Variants in IL17RD observed in about 807,000 individuals in gnomAD.
IL17RD encodes the protein interleukin 17 receptor D.
In IL17RD, 52 loss-of-function variants were observed where a neutral mutation model predicts 80.5. That is an observed-to-expected ratio of 0.65 (90% CI 0.52 to 0.81). IL17RD has a LOEUF of 0.81. Among genes scored for constraint, IL17RD ranks in the 40% least tolerant of loss-of-function variants. The pLI is 0.00. For synonymous variants in IL17RD, 416 were observed against 391.8 expected, an observed-to-expected ratio of 1.06 and a Z score of -0.73; for missense variants, 1,024 against 955.1, an observed-to-expected ratio of 1.07 and a Z score of -0.95.
intron 1 of IL17RD, among the ~76,000 whole-genome samples, chr3:57,133,034 C>T (rs929196243): frequency 3.3e-5 from 5 of 152,152 alleles, no homozygotes; most frequent in Admixed American, 2.6e-4. Flanking sequence ...AATGAATAAT[C>T]TATGTCTCTG....
chr3:57,097,338 G>C (rs1449367599), intron 12 of IL17RD: 2 of 519,756 alleles, frequency 3.8e-6, no homozygotes, highest in Non-Finnish European at 7.0e-6. Flanking sequence ...AAGTGATACA[G>C]TGCATAGTCT....
chr3:57,103,120 C>T lies in IL17RD; in HGVS notation c.839G>A (p.Arg280Lys). ...CTTTAAGGCATAATGCATCACTTTT[C>T]TTGTTGTGTTAGTGTCATCCACCAG... ...IELVDDTNTT[R>K]KVMHYALKPV... Residue 280 changes from arginine to lysine, a missense_variant, in exon 9 of 13, where the codon AGA (arginine) becomes AAA (lysine). Physicochemically the swap from Arg to Lys is conservative, Grantham distance 26 (BLOSUM62 2). Coordinates refer to ENST00000296318, the MANE Select transcript of IL17RD (RefSeq NM_017563.5). 6.2e-7 allele frequency: 1 copy of T among 1,603,216 alleles called. No individual in the cohort carries two copies. The highest frequency in any genetic ancestry group is 1.3e-5 in the African/African-American group (1 of 74,918).
rs1455178063 is a variant in IL17RD, at chr3:57,148,028, T to C, written c.126+17133A>G. ...AGAAGTCAAGTTTTCATATAAAAAA[T>C]AAAGAATGTTGGGCACGGTGGCTCA... is the stretch of plus-strand genomic sequence containing the variant. On this transcript the variant is annotated intron_variant, in intron 1 of 12. Coordinates refer to ENST00000296318, the MANE Select transcript of IL17RD (RefSeq NM_017563.5). Among the ~76,000 whole-genome samples the C allele has an allele frequency of 8.0e-5, 10 of 125,558 alleles. 1 individual carries two copies. The highest frequency in any genetic ancestry group is 0.014 in the Middle Eastern group (2 of 138). The allele number at this position is 125,558 out of a possible 152,430, so 82.4% of individuals were successfully genotyped here. A position where few individuals can be genotyped will look rare whatever the true frequency, so the allele number is the denominator to read the frequency against.
At chr3:57,099,199 T>C (rs892589232) in intron 11 of IL17RD, among the ~76,000 whole-genome samples, 5 of 152,196 alleles carry the variant, frequency 3.3e-5, no homozygotes, top group African/African-American at 1.2e-4. Flanking sequence ...AACATGGTCA[T>C]TCTGAGTAAC....
In IL17RD at chr3:57,102,554, C is replaced by A; in HGVS notation, c.904G>T (p.Ala302Ser). 1 of 1,581,718 alleles carries A rather than the reference C, an allele frequency of 6.3e-7. No individual in the cohort carries two copies. Among genetic ancestry groups the A allele is most frequent in the South Asian group, 1.1e-5 (1 of 88,572 alleles). The part of the protein sequence containing the change: ...SPWAGPIRAV[A>S]ITVPLVVISA... ...ATGACTACCAGTGGCACTGTGATGG[C>A]CACGGCTCTGATGGGCCCGGCCCAC... Residue 302 changes from alanine (A) to serine (S), a missense_variant, in exon 10 of 13, where the codon GCC (alanine) becomes TCC (serine). Ala to Ser is a moderately conservative substitution (Grantham distance 99, BLOSUM62 1). Coordinates refer to ENST00000296318, the MANE Select transcript of IL17RD (RefSeq NM_017563.5).
intron 1 of IL17RD, among the ~76,000 whole-genome samples, chr3:57,157,036 C>T (rs983268832): frequency 6.6e-6 from 1 of 152,062 alleles, no homozygotes; most frequent in Admixed American, 6.5e-5. Flanking sequence ...ATGATGGGGT[C>T]GGCCAGGCTT....
chr3:57,137,991 T>G (rs528488986), intron 1 of IL17RD, among the ~76,000 whole-genome samples: 2 of 152,316 alleles, frequency 1.3e-5, no homozygotes, highest in South Asian at 4.1e-4. Context: ...AAATTTGACA[T>G]TGGCACAAAA....
chr3:57,149,146 A>G (rs1407690276), intron 1 of IL17RD, among the ~76,000 whole-genome samples: 1 of 152,090 alleles, frequency 6.6e-6, no homozygotes, highest in Admixed American at 6.5e-5. Context: ...AAATACAAAA[A>G]TTAGCTGGGT....
Position 57,091,779 on chromosome 3 carries a change from G to A in IL17RD, c.*4614C>T, listed in dbSNP as rs545649392. ...AAGAACTATCTGATCAGCAGGGTAG[G>A]TTACAGAATCTCCTTCTTATAAAAT... On this transcript the variant is annotated 3_prime_UTR_variant, in exon 13 of 13. Transcript: ENST00000296318. The A allele has an allele frequency of 6.6e-6, 1 of 152,162 alleles. No homozygotes were observed. The highest frequency in any genetic ancestry group is 6.5e-5 in the Admixed American group (1 of 15,280). 9.4% of individuals were successfully genotyped at this position (152,162 alleles called of 1,614,324 possible).
chr3:57,103,202 TGGAA>T (rs1706877528), intron 8 of IL17RD, 57 bp from the exon 9 acceptor site: 6 of 1,397,482 alleles, frequency 4.3e-6, no homozygotes, highest in African/African-American at 1.4e-5. Context: ...ACCAGGTAAG[TGGAA>T]AAAAATGGTA....
At chr3:57,141,899 A>G (rs1707835575) in intron 1 of IL17RD, among the ~76,000 whole-genome samples, 1 of 152,174 alleles carries the variant, frequency 6.6e-6, no homozygotes, top group Non-Finnish European at 1.5e-5. Context: ...GATCTGGAAC[A>G]CTGTTATCTG....
intron 1 of IL17RD, among the ~76,000 whole-genome samples, chr3:57,153,577 T>C (rs1021500562): frequency 1.3e-5 from 2 of 152,184 alleles, no homozygotes; most frequent in African/African-American, 2.4e-5. Flanking sequence ...CAGAAAGAAA[T>C]TATGAATGAC....
chr3:57,135,857 C>T (rs181950394), intron 1 of IL17RD, among the ~76,000 whole-genome samples: 140 of 150,808 alleles, frequency 9.3e-4, no homozygotes, highest in Non-Finnish European at 1.8e-3. Flanking sequence ...GCTCCAGAGC[C>T]GGCTGTGTAC....
intron 1 of IL17RD, among the ~76,000 whole-genome samples, chr3:57,157,882 TG>T (rs2060279149): frequency 6.6e-6 from 1 of 152,196 alleles, no homozygotes; most frequent in Non-Finnish European, 1.5e-5. Context: ...CACAGAAGTC[TG>T]GGGACACTGC....
chr3:57,150,964 CAAAG>C (rs1160222504), intron 1 of IL17RD, among the ~76,000 whole-genome samples: 1 of 152,134 alleles, frequency 6.6e-6, no homozygotes, highest in African/African-American at 2.4e-5. Context: ...TTAAGATGAT[CAAAG>C]AAAAGGCATG....
At position 57,098,161 on chromosome 3, in the gene IL17RD, TC is replaced by T; in HGVS notation, c.1541del (p.Arg514GlnfsTer75). 6.2e-7 allele frequency: 1 copy of T among 1,613,972 alleles called. No homozygotes were observed. The highest frequency in any genetic ancestry group is 8.5e-7 in the Non-Finnish European group (1 of 1,179,862). On this transcript the variant is annotated frameshift_variant, in exon 12 of 13. Coordinates refer to ENST00000296318, the MANE Select transcript of IL17RD (RefSeq NM_017563.5). LOFTEE classifies it high-confidence loss of function. Reference protein sequence around the residue: ...LPQLCSHLHSRDHGLQEPGQH... With the variant: ...LPQLCSHLHSXDHGLQEPGQH... Reference sequence around the variant, plus strand: ...GCCCCGGCTCCTGGAGGCCGTGGTCTCGGGAGTGCAAGTGGGAACAGAGCTG... The same window carrying T: ...GCCCCGGCTCCTGGAGGCCGTGGTCTGGGAGTGCAAGTGGGAACAGAGCTG...
intron 1 of IL17RD, among the ~76,000 whole-genome samples, chr3:57,149,498 G>T (rs1708007675): frequency 6.6e-6 from 1 of 152,198 alleles, no homozygotes; most frequent in South Asian, 2.1e-4. Flanking sequence ...TGTGCATCCT[G>T]CACAGAGCCA....
intron 1 of IL17RD, among the ~76,000 whole-genome samples, chr3:57,157,283 G>A (rs964724404): frequency 2.1e-4 from 32 of 152,212 alleles, no homozygotes; most frequent in African/African-American, 6.5e-4. Flanking sequence ...GCAGAAGCCC[G>A]TTCAAGTTTC....
intron 1 of IL17RD, chr3:57,134,168 CT>C: frequency 1.5e-6 from 1 of 663,136 alleles, no homozygotes. Context: ...TGAGGCTCGC[CT>C]TTAGTGTCCT....
Sources: gnomAD v4.1 joint callset for allele counts (sites outside exome capture counted in the v4.1 genomes callset) on GRCh38, gnomAD v4.1.1 for gene constraint, MANE v1.5 for transcripts, NCBI Gene and HGNC (gene_info 2026-07-23, HGNC 2026-07-21) for gene names.